The following INTS6 variants were observed in gnomAD, a reference collection of about 807,000 sequenced individuals.
INTS6 encodes DEAD box protein.
Under a neutral mutation model 104.9 loss-of-function variants are expected in INTS6, and 16 were observed. The observed-to-expected ratio is 0.15, with a 90% CI of 0.10 to 0.23. INTS6 has a LOEUF of 0.23. INTS6 is among the 10% of genes least tolerant of loss of function. The pLI, the probability that INTS6 is intolerant of heterozygous loss-of-function variation, is 1.00. For synonymous variants in INTS6, 324 were observed against 358.7 expected (o/e 0.90, Z 1.09); for missense variants, 584 against 1,062.8 (o/e 0.55, Z 6.26).
intron 4 of INTS6, among the ~76,000 whole-genome samples, chr13:51,398,302 G>C (rs1956375949): frequency 6.6e-6 from 1 of 152,066 alleles, no homozygotes; most frequent in South Asian, 2.1e-4. Flanking sequence ...TATGGACTTT[G>C]AGAATCAAGG....
At chr13:51,413,764 C>T (rs964474218) in intron 4 of INTS6, among the ~76,000 whole-genome samples, 2 of 152,114 alleles carry the variant, frequency 1.3e-5, no homozygotes, top group African/African-American at 4.8e-5. Flanking sequence ...AAAACCCATG[C>T]TATGGTTTCC....
chr13:51,346,439 G>A, the INTS6 span, among the ~76,000 whole-genome samples: 1 of 152,160 alleles, frequency 6.6e-6, no homozygotes, highest in African/African-American at 2.4e-5. Flanking sequence ...ACAGAACCAG[G>A]AGCAGCATCC....
At chr13:51,345,468 C>T in the INTS6 span, among the ~76,000 whole-genome samples, 6 of 151,928 alleles carry the variant, frequency 3.9e-5, no homozygotes, top group African/African-American at 1.5e-4. Flanking sequence ...GTGGCATGTG[C>T]CTGTAATCCC....
the INTS6 span, chr13:51,348,095 G>A: frequency 1.4e-6 from 1 of 730,122 alleles, no homozygotes; most frequent in Non-Finnish European, 2.3e-6. Context: ...CTGAGGGTGA[G>A]GTGGATGCTC....
intron 3 of INTS6, chr13:51,448,107 A>G (rs961776039): frequency 1.3e-5 from 2 of 152,222 alleles, no homozygotes; most frequent in Admixed American, 6.5e-5. Context: ...ACCTGTAACA[A>G]TAAGAAAATT....
At chr13:51,336,694 C>T in the INTS6 span, among the ~76,000 whole-genome samples, 19 of 152,072 alleles carry the variant, frequency 1.2e-4, no homozygotes, top group Admixed American at 1.3e-4. Flanking sequence ...TTATCAGGCA[C>T]CATGATAAGG....
chr13:51,415,625 A>G lies in INTS6; in HGVS notation c.429+14669T>C, dbSNP rs958687322. Among the ~76,000 whole-genome samples, 4 of 151,358 alleles carry G rather than the reference A, an allele frequency of 2.6e-5. No homozygotes were observed. In the Admixed American group the frequency reaches 2.7e-4, roughly 10 times the overall value. ...TCCACCAGGATTGTGAGGCCTCCCCAGCCATGTAGAACTTTAAGTCCATTA... is the reference window on the plus strand; with the variant it reads ...TCCACCAGGATTGTGAGGCCTCCCCGGCCATGTAGAACTTTAAGTCCATTA... On this transcript the variant is annotated intron_variant, in intron 4 of 17. Coordinates refer to ENST00000311234, the MANE Select transcript of INTS6 (RefSeq NM_012141.3).
At chr13:51,406,174 A>G (rs1018716846) in intron 4 of INTS6, among the ~76,000 whole-genome samples, 4 of 152,126 alleles carry the variant, frequency 2.6e-5, no homozygotes, top group African/African-American at 9.7e-5. Flanking sequence ...TGCCCAATGT[A>G]TAGTCTCAAC....
downstream of INTS6, among the ~76,000 whole-genome samples, chr13:51,350,178 G>C (rs1376567147): frequency 6.6e-6 from 1 of 152,148 alleles, no homozygotes; most frequent in African/African-American, 2.4e-5. Context: ...GCAAAATTGT[G>C]TGACTATGAG....
At chr13:51,355,403 A>G (rs1955466164) in intron 3 of INTS6, among the ~76,000 whole-genome samples, 1 of 152,128 alleles carries the variant, frequency 6.6e-6, no homozygotes, top group Admixed American at 6.6e-5. Flanking sequence ...GCACACAGTA[A>G]ACAGACCCTC....
rs2137886247 is a variant in INTS6, at chr13:51,374,712, T to C, written c.1814A>G (p.Asp605Gly). The C allele has an allele frequency of 6.2e-7, 1 of 1,613,458 alleles. No individual in the cohort carries two copies. Among genetic ancestry groups the C allele is most frequent in the Non-Finnish European group, 8.5e-7 (1 of 1,179,942 alleles). The change falls in exon 14 of 18, where the codon GAT (aspartate) becomes GGT (glycine). Residue 605 changes from aspartate to glycine, a missense_variant. Transcript: ENST00000311234. The part of the protein sequence containing the change: ...KQVPSPLREL[D>G]PDQPRRLHTF... Reference sequence around the variant, plus strand: ...ATGCAACCTTCGTGGCTGATCAGGATCAAGTTCTCTTAGTGGAGAAGGTAC... The same window carrying C: ...ATGCAACCTTCGTGGCTGATCAGGACCAAGTTCTCTTAGTGGAGAAGGTAC...
chr13:51,412,211 ATTG>A (rs771336576), intron 4 of INTS6, among the ~76,000 whole-genome samples: 55 of 152,352 alleles, frequency 3.6e-4, no homozygotes, highest in Non-Finnish European at 6.0e-4. Flanking sequence ...ATTTTATACT[ATTG>A]TTGTAGTATT....
At position 51,363,966 on chromosome 13, in the gene INTS6, C is replaced by A. The variant is rs959518855; in HGVS notation, c.*1786G>T. On this transcript the variant is annotated 3_prime_UTR_variant, in exon 18 of 18. Coordinates refer to ENST00000311234, the MANE Select transcript of INTS6 (RefSeq NM_012141.3). Reference sequence around the variant, plus strand: ...GGGCTGAATCTCTTTCCTAGATACTCTTGTTAAGTATGAATTTTTATCTGA... The same window carrying A: ...GGGCTGAATCTCTTTCCTAGATACTATTGTTAAGTATGAATTTTTATCTGA... The A allele has an allele frequency of 8.2e-6, 2 of 244,074 alleles. No individual in the cohort carries two copies. The highest frequency in any genetic ancestry group is 1.5e-5 in the Non-Finnish European group (2 of 130,230). The allele number at this position is 244,074 out of a possible 1,614,324, so 15.1% of individuals were successfully genotyped here.
At chr13:51,444,781 G>A (rs1439188437) in intron 3 of INTS6, 5 of 148,074 alleles carry the variant, frequency 3.4e-5, no homozygotes, top group Admixed American at 1.3e-4. Context: ...ACATCCTTAG[G>A]ATAGTGTTTT....
At chr13:51,379,208 T>C (rs1416771240) in intron 11 of INTS6, among the ~76,000 whole-genome samples, 3 of 151,936 alleles carry the variant, frequency 2.0e-5, no homozygotes, top group Non-Finnish European at 4.4e-5. Context: ...TGTTCACATA[T>C]AGCAAGTCTA....
chr13:51,348,409 C>T, the INTS6 span: 13 of 1,612,586 alleles, frequency 8.1e-6, no homozygotes. Context: ...TGTTCCTGCC[C>T]AGGTGAGCAG....
intron 5 of INTS6, among the ~76,000 whole-genome samples, chr13:51,393,064 A>T (rs1403034155): frequency 6.6e-6 from 1 of 151,828 alleles, no homozygotes; most frequent in Non-Finnish European, 1.5e-5. Flanking sequence ...ATACACACAT[A>T]AACAACTAAA....
chr13:51,412,242 T>A lies in INTS6; in HGVS notation c.430-16759A>T, dbSNP rs11148218. On this transcript the variant is annotated intron_variant, in intron 4 of 17. Transcript: ENST00000311234. ...GTAGTATTAAATACATTACTTAACA[T>A]TTGTCAGAATTCATGAAGTTTTACA... Among the ~76,000 whole-genome samples, 1,340 of 152,318 alleles carry A rather than the reference T, an allele frequency of 8.8e-3. 20 individuals carry two copies. The highest frequency in any genetic ancestry group is 0.03 in the African/African-American group (1,240 of 41,570).
At chr13:51,388,113 G>T (rs1179677255) in intron 6 of INTS6, among the ~76,000 whole-genome samples, 1 of 152,164 alleles carries the variant, frequency 6.6e-6, no homozygotes, top group South Asian at 2.1e-4. Flanking sequence ...ACATTTACTA[G>T]TAACAAACTC....
Sources: gnomAD v4.1 joint callset for allele counts (sites outside exome capture counted in the v4.1 genomes callset) on GRCh38, gnomAD v4.1.1 for gene constraint, MANE v1.5 for transcripts, NCBI Gene and HGNC (gene_info 2026-07-23, HGNC 2026-07-21) for gene names.